Variants in GALNTL6 observed in about 807,000 individuals in gnomAD.
GALNTL6 encodes polypeptide N-acetylgalactosaminyltransferase-like 6.
GALNTL6 carries 46 observed loss-of-function variants against 73.7 expected under a neutral mutation model. That is an observed-to-expected ratio of 0.62 (90% CI 0.49 to 0.80). The LOEUF is 0.80. Among genes scored for constraint, GALNTL6 ranks in the 30% least tolerant of loss-of-function variants. The pLI, the probability that GALNTL6 is intolerant of heterozygous loss-of-function variation, is 0.00. For synonymous variants in GALNTL6, 259 were observed against 263.7 expected (o/e 0.98, Z 0.17); for missense variants, 604 against 755.0 (o/e 0.80, Z 2.34).
At chr4:171,913,973 A>AT (rs1386949207) in intron 2 of GALNTL6, among the ~76,000 whole-genome samples, 1 of 152,056 alleles carries the variant, frequency 6.6e-6, no homozygotes, top group African/African-American at 2.4e-5. Context: ...GTAAAAATGC[A>AT]TTTTAACTAA....
intron 2 of GALNTL6, among the ~76,000 whole-genome samples, chr4:171,929,872 A>C (rs1738120140): frequency 6.6e-6 from 1 of 152,202 alleles, no homozygotes; most frequent in Admixed American, 6.5e-5. Context: ...AACGCGAGAC[A>C]GAGCTGTCTG....
At chr4:172,479,497 A>C (rs1733365309) in intron 5 of GALNTL6, among the ~76,000 whole-genome samples, 1 of 152,208 alleles carries the variant, frequency 6.6e-6, no homozygotes, top group Non-Finnish European at 1.5e-5. Context: ...ACAGGAGCTA[A>C]GCTATGGGCA....
chr4:172,482,945 T>C (rs1240454969), intron 5 of GALNTL6, among the ~76,000 whole-genome samples: 1 of 152,166 alleles, frequency 6.6e-6, no homozygotes, highest in African/African-American at 2.4e-5. Flanking sequence ...TATTACAAAT[T>C]TTTCTGCTTT....
chr4:172,293,799 A>T (rs2930204), intron 3 of GALNTL6, among the ~76,000 whole-genome samples: 3 of 151,164 alleles, frequency 2.0e-5, no homozygotes, highest in Admixed American at 6.6e-5. Flanking sequence ...ACAAGAATGC[A>T]CATAGTAATC....
At chr4:172,752,283 A>G (rs146528102) in intron 5 of GALNTL6, among the ~76,000 whole-genome samples, 1 of 152,174 alleles carries the variant, frequency 6.6e-6, no homozygotes, top group Non-Finnish European at 1.5e-5. Context: ...AAATAAAACT[A>G]AATGTTATTA....
At chr4:172,474,266 A>G (rs547502861) in intron 5 of GALNTL6, among the ~76,000 whole-genome samples, 2 of 152,228 alleles carry the variant, frequency 1.3e-5, no homozygotes, top group African/African-American at 4.8e-5. Flanking sequence ...CATCCTACTG[A>G]ACATTGCAAG....
chr4:172,335,290 C>T (rs1194647169), intron 4 of GALNTL6, among the ~76,000 whole-genome samples: 1 of 152,124 alleles, frequency 6.6e-6, no homozygotes, highest in East Asian at 1.9e-4. Flanking sequence ...AGGAATAAGG[C>T]CTAACTGATC....
chr4:172,480,486 T>G (rs538218052), intron 5 of GALNTL6, among the ~76,000 whole-genome samples: 1 of 152,342 alleles, frequency 6.6e-6, no homozygotes, highest in South Asian at 2.1e-4. Flanking sequence ...ATTGAGCTAT[T>G]ATTTATTAAG....
At chr4:172,377,532 G>A (rs535186954) in intron 5 of GALNTL6, among the ~76,000 whole-genome samples, 277 of 152,274 alleles carry the variant, frequency 1.8e-3, no homozygotes, top group African/African-American at 6.1e-3. Flanking sequence ...CACTCAGTGC[G>A]CCCGCAGTCC....
intron 6 of GALNTL6, among the ~76,000 whole-genome samples, chr4:172,811,717 C>G (rs754173386): frequency 6.6e-5 from 10 of 152,194 alleles, no homozygotes; most frequent in African/African-American, 9.6e-5. Flanking sequence ...CCACTTCTAG[C>G]TCTCTGTGGC....
intron 5 of GALNTL6, among the ~76,000 whole-genome samples, chr4:172,620,403 CAT>C (rs1738907597): frequency 6.6e-6 from 1 of 152,104 alleles, no homozygotes; most frequent in Non-Finnish European, 1.5e-5. Flanking sequence ...GTATAGCACT[CAT>C]AGAAAAATTT....
rs1740390604 is a variant in GALNTL6, at chr4:171,993,207, A to AT, written c.138+178489_138+178490insT. 4.0e-5 allele frequency among the ~76,000 whole-genome samples: 6 copies of AT among 151,532 alleles called. No homozygotes were observed. In the Admixed American group the frequency reaches 4.0e-4, roughly 10 times the overall value. ...GATGAGAGTCAGAATAAGTATATAT[A>AT]AGAGAAAAATAGTTCATATGTTGTC... is the stretch of plus-strand genomic sequence containing the variant. On this transcript the variant is annotated intron_variant, in intron 2 of 12. Coordinates refer to ENST00000506823, the MANE Select transcript of GALNTL6 (RefSeq NM_001034845.3).
chr4:172,008,161 C>T (rs1383518953), intron 2 of GALNTL6, among the ~76,000 whole-genome samples: 2 of 152,092 alleles, frequency 1.3e-5, no homozygotes, highest in Admixed American at 1.3e-4. Context: ...AGCTTTCATA[C>T]CAGTTACACA....
At chr4:172,093,896 C>G (rs1732277197) in intron 2 of GALNTL6, among the ~76,000 whole-genome samples, 1 of 152,128 alleles carries the variant, frequency 6.6e-6, no homozygotes, top group South Asian at 2.1e-4. Context: ...ACTGATTCTG[C>G]ATTATGGTGA....
At chr4:172,774,156 A>G (rs1344766590) in intron 5 of GALNTL6, among the ~76,000 whole-genome samples, 2 of 152,356 alleles carry the variant, frequency 1.3e-5, no homozygotes, top group East Asian at 3.9e-4. Flanking sequence ...AAGCAACTTT[A>G]GATACATTCC....
Position 172,820,766 on chromosome 4 carries a change from A to G in GALNTL6, c.923+7043A>G, listed in dbSNP as rs186764362. Among the ~76,000 whole-genome samples, 270 of 152,320 alleles carry G rather than the reference A, an allele frequency of 1.8e-3. 1 individual carries two copies. Among genetic ancestry groups the G allele is most frequent in the African/African-American group, 6.1e-3 (255 of 41,570 alleles). On this transcript the variant is annotated intron_variant, in intron 7 of 12. Coordinates refer to ENST00000506823, the MANE Select transcript of GALNTL6 (RefSeq NM_001034845.3). ...TGCATGATCTCCATGCAATTGCTAC[A>G]AATCTTCCTCCTTTTCTCCTCAAAA... is the stretch of plus-strand genomic sequence containing the variant.
intron 5 of GALNTL6, among the ~76,000 whole-genome samples, chr4:172,530,216 C>A (rs1198233283): frequency 6.6e-6 from 1 of 152,130 alleles, no homozygotes; most frequent in Admixed American, 6.5e-5. Context: ...AAAGCACCTT[C>A]CCAAGCTAAG....
intron 2 of GALNTL6, among the ~76,000 whole-genome samples, chr4:171,882,598 G>A (rs1201206949): frequency 1.3e-5 from 2 of 152,146 alleles, no homozygotes; most frequent in Admixed American, 6.5e-5. Flanking sequence ...CAAACTACTG[G>A]TGTAAGTCCA....
intron 5 of GALNTL6, among the ~76,000 whole-genome samples, chr4:172,488,887 G>T (rs1028164288): frequency 1.3e-5 from 2 of 152,026 alleles, no homozygotes; most frequent in African/African-American, 4.8e-5. Context: ...GGAAGAGGCA[G>T]CACTCTGTTC....
Sources: allele counts gnomAD v4.1 joint callset (sites outside exome capture counted in the v4.1 genomes callset), GRCh38; gene constraint gnomAD v4.1.1; transcripts MANE v1.5; gene names NCBI Gene and HGNC (gene_info 2026-07-23, HGNC 2026-07-21).